The following NXN variants were observed in gnomAD, a reference collection of about 807,000 sequenced individuals.
NXN encodes the protein nucleoredoxin.
In NXN, 16 loss-of-function variants were observed where a neutral mutation model predicts 48.6. That is an observed-to-expected ratio of 0.33 (90% CI 0.22 to 0.50). NXN has a LOEUF of 0.50. Ranked by LOEUF, NXN falls within the 20% of genes least tolerant of loss-of-function variation. The pLI, the probability that NXN is intolerant of heterozygous loss-of-function variation, is 0.98. For synonymous variants in NXN, 281 were observed against 269.6 expected, an observed-to-expected ratio of 1.04 and a Z score of -0.41; for missense variants, 492 against 605.5, an observed-to-expected ratio of 0.81 and a Z score of 1.97.
chr17:884,147 G>C (rs2144845063), intron 1 of NXN, among the ~76,000 whole-genome samples: 1 of 152,150 alleles, frequency 6.6e-6, no homozygotes, highest in African/African-American at 2.4e-5. Flanking sequence ...CATGAACCTG[G>C]GAGGCGGAGC....
intron 1 of NXN, among the ~76,000 whole-genome samples, chr17:899,449 C>G (rs1206237663): frequency 6.6e-6 from 1 of 152,042 alleles, no homozygotes. Flanking sequence ...GGAGGACGAT[C>G]AATAAACAAC....
At chr17:831,456 C>T (rs2088275) in intron 1 of NXN, among the ~76,000 whole-genome samples, 55,926 of 145,542 alleles carry the variant, frequency 0.38, 10,713 homozygotes, top group East Asian at 0.52. Context: ...TTTATTTATT[C>T]ATTTATTTAT....
intron 1 of NXN, among the ~76,000 whole-genome samples, chr17:897,604 G>A (rs1051934912): frequency 1.3e-5 from 2 of 152,114 alleles, no homozygotes; most frequent in Non-Finnish European, 2.9e-5. Flanking sequence ...CCCGTCCTAG[G>A]GCAATCCGCA....
intron 1 of NXN, among the ~76,000 whole-genome samples, chr17:873,225 G>A (rs568789608): frequency 2.0e-4 from 31 of 152,100 alleles, no homozygotes; most frequent in South Asian, 2.1e-4. Context: ...CAGCCAGGTG[G>A]GTGGCTCACG....
intron 1 of NXN, among the ~76,000 whole-genome samples, chr17:831,445 CTTTATTTATTCA>C (rs200200419): frequency 0.014 from 2,084 of 149,074 alleles, 56 homozygotes; most frequent in African/African-American, 0.049. Flanking sequence ...TGAGGGCCGA[CTTTATTTATTCA>C]TTTATTTATT....
intron 1 of NXN, among the ~76,000 whole-genome samples, chr17:960,960 A>G (rs1161878774): frequency 6.6e-6 from 1 of 150,734 alleles, no homozygotes; most frequent in Non-Finnish European, 1.5e-5. Flanking sequence ...AATTTTTTCT[A>G]TTTTTAGTAG....
chr17:837,835 T>C (rs952332014), intron 1 of NXN, among the ~76,000 whole-genome samples: 2 of 152,124 alleles, frequency 1.3e-5, no homozygotes, highest in Non-Finnish European at 2.9e-5. Context: ...CCTATGAGAA[T>C]TCCAAACCCT....
At chr17:938,345 C>T (rs2068932379) in intron 1 of NXN, among the ~76,000 whole-genome samples, 2 of 152,218 alleles carry the variant, frequency 1.3e-5, no homozygotes, top group Non-Finnish European at 2.9e-5. Flanking sequence ...GAGCTGGCCA[C>T]AAACACAGCT....
At chr17:876,125 C>T (rs913518967) in intron 1 of NXN, among the ~76,000 whole-genome samples, 1 of 150,620 alleles carries the variant, frequency 6.6e-6, no homozygotes, top group Non-Finnish European at 1.5e-5. Context: ...GAGGTTGCAG[C>T]GTGCCAAGAC....
rs963498869 is a variant in NXN at position 920,421 on chromosome 17, G to A, written c.360+58898C>T. On this transcript the variant is annotated intron_variant, in intron 1 of 7. Coordinates refer to ENST00000336868, the MANE Select transcript of NXN (RefSeq NM_022463.5). The surrounding 1 kb of genome is among the most constrained non-coding windows in gnomAD (Gnocchi z 4.6). ...CCTGTCATGCCCCAAGGCCAATGTA[G>A]CCTTGGGGATGCCGAGCCTGCCTGA... 3.3e-5 allele frequency among the ~76,000 whole-genome samples: 5 copies of A among 152,002 alleles called. No homozygotes were observed. The highest frequency in any genetic ancestry group is 7.4e-5 in the Non-Finnish European group (5 of 68,016).
chr17:953,179 C>T (rs2150619978), intron 1 of NXN, among the ~76,000 whole-genome samples: 1 of 152,198 alleles, frequency 6.6e-6, no homozygotes. Context: ...CCTTGGGAGG[C>T]CGAGGCGGGC....
intron 1 of NXN, among the ~76,000 whole-genome samples, chr17:936,286 C>A (rs373704226): frequency 3.9e-4 from 60 of 152,074 alleles, no homozygotes; most frequent in African/African-American, 1.3e-3. Context: ...ACGTCCCCTG[C>A]GACAAAGCCT....
At chr17:835,644 G>A (rs900264281) in intron 1 of NXN, among the ~76,000 whole-genome samples, 2 of 152,148 alleles carry the variant, frequency 1.3e-5, no homozygotes, top group South Asian at 4.2e-4. Flanking sequence ...CTGGGAACCG[G>A]GAAACGGTAA....
At chr17:947,861 A>C (rs1173873254) in intron 1 of NXN, among the ~76,000 whole-genome samples, 1 of 144,810 alleles carries the variant, frequency 6.9e-6, no homozygotes, top group Non-Finnish European at 1.5e-5. Flanking sequence ...CAACACGGTG[A>C]AACTCCGTCT....
chr17:864,820 C>T (rs928691114), intron 1 of NXN, among the ~76,000 whole-genome samples: 6 of 152,140 alleles, frequency 3.9e-5, no homozygotes, highest in Admixed American at 6.6e-5. Context: ...CTCCTGAAAA[C>T]GGAGGCAACC....
chr17:812,985 T>C (rs568570380), intron 5 of NXN, among the ~76,000 whole-genome samples: 4 of 152,066 alleles, frequency 2.6e-5, no homozygotes, highest in East Asian at 1.9e-4. Flanking sequence ...TGTGTGCACA[T>C]GTGAATGTAG....
chr17:979,076 G>A (rs970223220), intron 1 of NXN, among the ~76,000 whole-genome samples: 1 of 133,998 alleles, frequency 7.5e-6, no homozygotes, highest in African/African-American at 2.9e-5. Context: ...CCAAAGAGGG[G>A]TCCTGGGATG....
chr17:804,942 G>C, intron 6 of NXN, 126 bp downstream of exon 6: 2 of 1,037,536 alleles, frequency 1.9e-6, no homozygotes, highest in South Asian at 3.0e-5. Flanking sequence ...TTCAGGGAGA[G>C]ACAAAGGCCC....
chr17:960,786 C>T (rs2069227176), intron 1 of NXN, among the ~76,000 whole-genome samples: 2 of 132,984 alleles, frequency 1.5e-5, no homozygotes, highest in African/African-American at 3.9e-5. Flanking sequence ...CCAATTAACT[C>T]GATTTTTTTT....
Sources: allele counts gnomAD v4.1 joint callset (sites outside exome capture counted in the v4.1 genomes callset), GRCh38; gene constraint gnomAD v4.1.1; non-coding constraint Gnocchi (gnomAD v3.1); transcripts MANE v1.5; gene names NCBI Gene and HGNC (gene_info 2026-07-23, HGNC 2026-07-21).